The following SH3PXD2A variants were observed in gnomAD, a reference collection of about 807,000 sequenced individuals.
SH3PXD2A encodes SH3 and PX domain-containing protein 2A.
In SH3PXD2A, 32 loss-of-function variants were observed where a neutral mutation model predicts 115.2. That is an observed-to-expected ratio of 0.28 (90% CI 0.21 to 0.37). SH3PXD2A has a LOEUF of 0.37. Among genes scored for constraint, SH3PXD2A ranks in the 10% least tolerant of loss-of-function variants. The pLI is 1.00. For synonymous variants in SH3PXD2A, 610 were observed against 629.1 expected (o/e 0.97, Z 0.45); for missense variants, 1,328 against 1,498.7 (o/e 0.89, Z 1.88).
intron 9 of SH3PXD2A, among the ~76,000 whole-genome samples, chr10:103,623,564 C>G (rs73331498): frequency 0.043 from 6,507 of 151,984 alleles, 460 homozygotes; most frequent in African/African-American, 0.15. Flanking sequence ...CCCAGACCAC[C>G]GAGGCCCTGG....
At chr10:103,700,669 C>A (rs1014824738) in intron 5 of SH3PXD2A, among the ~76,000 whole-genome samples, 1 of 152,156 alleles carries the variant, frequency 6.6e-6, no homozygotes, top group Non-Finnish European at 1.5e-5. Context: ...TCTTAGAGGG[C>A]AAAATGGGGC....
At chr10:103,720,868 G>C (rs910573961) in intron 5 of SH3PXD2A, among the ~76,000 whole-genome samples, 2 of 152,210 alleles carry the variant, frequency 1.3e-5, no homozygotes, top group Admixed American at 6.5e-5. Context: ...CTCTTGGTGG[G>C]TCCTGGAGGC....
chr10:103,744,247 G>A (rs1320399449), intron 3 of SH3PXD2A, among the ~76,000 whole-genome samples: 4 of 150,784 alleles, frequency 2.7e-5, no homozygotes, highest in Non-Finnish European at 5.9e-5. Context: ...TCCACCTCCC[G>A]GGTTCAAGCG....
At chr10:103,696,374 G>A (rs755918641) in intron 5 of SH3PXD2A, among the ~76,000 whole-genome samples, 5 of 152,188 alleles carry the variant, frequency 3.3e-5, no homozygotes, top group Admixed American at 2.0e-4. Context: ...AGGGCAAGAC[G>A]CAAAGGCAGG....
chr10:103,677,005 G>T (rs181187694), intron 6 of SH3PXD2A, among the ~76,000 whole-genome samples: 64 of 152,302 alleles, frequency 4.2e-4, no homozygotes, highest in African/African-American at 1.4e-3. Flanking sequence ...GCAGTGGGAT[G>T]AAGTCAGCAG....
In SH3PXD2A at chr10:103,601,403, C is replaced by G. The variant is rs116775439; in HGVS notation, c.*413G>C. ...GGTGGCAAGATGCCAGCAATCAAAACTGGGCCAAGCAGGGGCAGGACACTG... is the reference window on the plus strand; with the variant it reads ...GGTGGCAAGATGCCAGCAATCAAAAGTGGGCCAAGCAGGGGCAGGACACTG... On this transcript the variant is annotated 3_prime_UTR_variant, in exon 15 of 15. Coordinates refer to ENST00000369774, the MANE Select transcript of SH3PXD2A (RefSeq NM_001394015.1). 1 of 163,978 alleles carries G rather than the reference C, an allele frequency of 6.1e-6. No individual in the cohort carries two copies. Among genetic ancestry groups the G allele is most frequent in the African/African-American group, 2.4e-5 (1 of 41,796 alleles). 10.2% of individuals were successfully genotyped at this position (163,978 alleles called of 1,614,324 possible).
intron 6 of SH3PXD2A, among the ~76,000 whole-genome samples, chr10:103,677,919 A>T (rs1438738536): frequency 1.3e-5 from 2 of 152,238 alleles, no homozygotes; most frequent in East Asian, 3.9e-4. Flanking sequence ...TGCCCTCTCT[A>T]GTCCAGGCTT....
chr10:103,647,793 A>G (rs1333232251), intron 8 of SH3PXD2A, among the ~76,000 whole-genome samples: 1 of 152,116 alleles, frequency 6.6e-6, no homozygotes, highest in African/African-American at 2.4e-5. Context: ...TCCGGTTATC[A>G]ATGCTGGGGA....
rs184287397 is a variant in SH3PXD2A at position 103,739,962 on chromosome 10, C to T, written c.230-4154G>A. Among the ~76,000 whole-genome samples, 548 of 152,270 alleles carry T rather than the reference C, an allele frequency of 3.6e-3. 10 individuals are homozygous for T. The highest frequency in any genetic ancestry group is 0.021 in the Admixed American group (323 of 15,294). On this transcript the variant is annotated intron_variant, in intron 3 of 14. Coordinates refer to ENST00000369774, the MANE Select transcript of SH3PXD2A (RefSeq NM_001394015.1). ...CTGGCTGTGTGACCCTGAAACAGGT[C>T]CCTTCTCCACTGGGACTGCTGTGTG...
intron 1 of SH3PXD2A, among the ~76,000 whole-genome samples, chr10:103,824,465 G>A (rs570688532): frequency 2.6e-5 from 4 of 152,266 alleles, no homozygotes; most frequent in East Asian, 1.9e-4. Context: ...AGCATCCACC[G>A]AGCCTCTGAG....
At chr10:103,762,010 A>C (rs1031964685) in intron 3 of SH3PXD2A, among the ~76,000 whole-genome samples, 5 of 110,456 alleles carry the variant, frequency 4.5e-5, no homozygotes, top group African/African-American at 1.0e-4. Flanking sequence ...AGCAATCAAC[A>C]CGTCTTTTTT....
At chr10:103,826,740 T>C (rs564930226) in intron 1 of SH3PXD2A, among the ~76,000 whole-genome samples, 6 of 152,290 alleles carry the variant, frequency 3.9e-5, no homozygotes, top group African/African-American at 9.6e-5. Flanking sequence ...TCTCCAGGCA[T>C]GAAATTGTTT....
At chr10:103,797,911 C>T (rs1200033793) in intron 2 of SH3PXD2A, among the ~76,000 whole-genome samples, 2 of 152,080 alleles carry the variant, frequency 1.3e-5, no homozygotes, top group Non-Finnish European at 2.9e-5. Flanking sequence ...TGTGTGCTCC[C>T]AGAGGGAGAA....
At chr10:103,704,857 C>T (rs949416349) in intron 5 of SH3PXD2A, among the ~76,000 whole-genome samples, 19 of 152,156 alleles carry the variant, frequency 1.2e-4, no homozygotes, top group African/African-American at 4.6e-4. Flanking sequence ...GACATGGGTT[C>T]CAGGCCTGGC....
At position 103,597,431 on chromosome 10, in the gene SH3PXD2A, CTG is replaced by C. The variant is rs1294578413; in HGVS notation, c.*4383_*4384del. 2 of 152,296 alleles carry C rather than the reference CTG, an allele frequency of 1.3e-5. No individual in the cohort carries two copies. The highest frequency in any genetic ancestry group is 2.9e-5 in the Non-Finnish European group (2 of 68,116). 9.4% of individuals were successfully genotyped at this position (152,296 alleles called of 1,614,324 possible). A position where few individuals can be genotyped will look rare whatever the true frequency, so the allele number is the denominator to read the frequency against. On this transcript the variant is annotated 3_prime_UTR_variant, in exon 15 of 15. Transcript: ENST00000369774. ...GGAGTCATTTTTAGGCCAGGTCTCT[CTG>C]AGCAGCTGGCTGCACCACAACAGAA...
At chr10:103,832,839 T>C (rs548944020) in intron 1 of SH3PXD2A, among the ~76,000 whole-genome samples, 1 of 152,138 alleles carries the variant, frequency 6.6e-6, no homozygotes, top group African/African-American at 2.4e-5. Flanking sequence ...CATGTATACA[T>C]GTGTAACAAA....
chr10:103,652,299 C>G (rs868049841), intron 8 of SH3PXD2A, among the ~76,000 whole-genome samples: 2 of 152,230 alleles, frequency 1.3e-5, no homozygotes, highest in South Asian at 2.1e-4. Context: ...CAGCTCAGCT[C>G]CCAGGATGGG....
At chr10:103,701,597 G>GCATCCATCATC (rs1284859979) in intron 5 of SH3PXD2A, among the ~76,000 whole-genome samples, 2 of 73,194 alleles carry the variant, frequency 2.7e-5, no homozygotes, top group South Asian at 4.4e-4. Context: ...CATCCATCAT[G>GCATCCATCATC]CATCCATCAT....
intron 8 of SH3PXD2A, among the ~76,000 whole-genome samples, chr10:103,632,882 G>A (rs1392962781): frequency 6.6e-6 from 1 of 152,152 alleles, no homozygotes; most frequent in African/African-American, 2.4e-5. Flanking sequence ...GGCTGAGGCA[G>A]GAGAATCGCT....
Sources: gnomAD v4.1 joint callset for allele counts (sites outside exome capture counted in the v4.1 genomes callset) on GRCh38, gnomAD v4.1.1 for gene constraint, MANE v1.5 for transcripts, NCBI Gene and HGNC (gene_info 2026-07-23, HGNC 2026-07-21) for gene names.